The following SLC35D2 variants were observed in gnomAD, a reference collection of about 807,000 sequenced individuals.
SLC35D2 encodes nucleotide sugar transporter SLC35D2.
A neutral mutation model predicts 41.8 loss-of-function variants in SLC35D2; 43 were observed. That is an observed-to-expected ratio of 1.03 (90% CI 0.81 to 1.33). The LOEUF is 1.33. SLC35D2 is among the 40% of genes most tolerant of loss of function. The pLI is 0.00. For synonymous variants in SLC35D2, 150 were observed against 163.9 expected, an observed-to-expected ratio of 0.92 and a Z score of 0.65; for missense variants, 380 against 408.4, an observed-to-expected ratio of 0.93 and a Z score of 0.60.
intron 1 of SLC35D2, among the ~76,000 whole-genome samples, chr9:96,374,601 G>A (rs1250412219): frequency 2.0e-5 from 3 of 150,844 alleles, no homozygotes; most frequent in African/African-American, 4.9e-5. Context: ...TTGGGAGGAC[G>A]AGGCGGGTGG....
intron 3 of SLC35D2, among the ~76,000 whole-genome samples, chr9:96,363,304 CCT>C (rs2083007622): frequency 6.6e-6 from 1 of 152,246 alleles, no homozygotes; most frequent in South Asian, 2.1e-4. Context: ...ACTGGGCTCC[CCT>C]GATTACTGAT....
chr9:96,327,626 T>G (rs1298335191), intron 9 of SLC35D2, among the ~76,000 whole-genome samples: 1 of 145,344 alleles, frequency 6.9e-6, no homozygotes, highest in African/African-American at 2.5e-5. Flanking sequence ...TTCTTTTTCT[T>G]TTTTTTTTTT....
In SLC35D2 at chr9:96,383,690, G is replaced by T; in HGVS notation, c.-56C>A. The stretch of plus-strand genomic sequence containing the variant: ...CCAGCCCCGGCTGCGCACTGGTCCC[G>T]CCCGGCCGGGCCGGGGAAGAGGGCG... On this transcript the variant is annotated 5_prime_UTR_variant, in exon 1 of 12. Coordinates refer to ENST00000253270, the MANE Select transcript of SLC35D2 (RefSeq NM_007001.3). 8.3e-6 allele frequency: 8 copies of T among 964,856 alleles called. No individual in the cohort carries two copies. The highest frequency in any genetic ancestry group is 9.9e-6 in the Non-Finnish European group (8 of 809,692). 59.8% of individuals were successfully genotyped at this position (964,856 alleles called of 1,614,324 possible).
At chr9:96,355,503 A>AT (rs1554714860) in intron 4 of SLC35D2, among the ~76,000 whole-genome samples, 136 of 145,594 alleles carry the variant, frequency 9.3e-4, no homozygotes, top group Middle Eastern at 6.9e-3. Flanking sequence ...AAAAAAAAAA[A>AT]TTTTTTTTTT....
intron 1 of SLC35D2, among the ~76,000 whole-genome samples, chr9:96,374,532 C>CAA (rs35986252): frequency 4.9e-5 from 4 of 82,356 alleles, no homozygotes; most frequent in Non-Finnish European, 5.1e-5. Context: ...GACTCCGTCT[C>CAA]AAAAAAAAAA....
chr9:96,318,222 G>A, downstream of SLC35D2, among the ~76,000 whole-genome samples: 1 of 152,126 alleles, frequency 6.6e-6, no homozygotes, highest in East Asian at 1.9e-4. Context: ...CACTTTAGGA[G>A]GCCAGGGTGG....
intron 1 of SLC35D2, among the ~76,000 whole-genome samples, chr9:96,373,493 C>T (rs1476031473): frequency 6.6e-6 from 1 of 152,032 alleles, no homozygotes; most frequent in East Asian, 1.9e-4. Context: ...TCGAGACCAG[C>T]CTGGCCAACA....
At chr9:96,359,435 A>C (rs577916988) in intron 4 of SLC35D2, among the ~76,000 whole-genome samples, 4 of 152,264 alleles carry the variant, frequency 2.6e-5, no homozygotes, top group South Asian at 2.1e-4. Flanking sequence ...CACACCTGTA[A>C]TCCCAGCACT....
chr9:96,319,834 C>T (rs1828146676), downstream of SLC35D2, among the ~76,000 whole-genome samples: 1 of 152,232 alleles, frequency 6.6e-6, no homozygotes, highest in African/African-American at 2.4e-5. Flanking sequence ...CCTGTGTTGG[C>T]CTGCTCCAGA....
intron 1 of SLC35D2, among the ~76,000 whole-genome samples, chr9:96,379,024 G>A (rs530181415): frequency 3.3e-5 from 5 of 152,108 alleles, no homozygotes; most frequent in South Asian, 2.1e-4. Flanking sequence ...CAAGCCAGGC[G>A]CGGGGGCTCA....
chr9:96,370,493 C>T (rs1830632145), intron 1 of SLC35D2, among the ~76,000 whole-genome samples: 1 of 151,932 alleles, frequency 6.6e-6, no homozygotes, highest in Non-Finnish European at 1.5e-5. Context: ...TCCGTCTCTG[C>T]TAAAAATACA....
Position 96,320,721 on chromosome 9 carries a change from T to A in SLC35D2, c.*521A>T, listed in dbSNP as rs1199246149. ...TGATGAGGCATACATAGAAATGATT[T>A]TTTATTTACTTTGATGATTAGGGAA... On this transcript the variant is annotated 3_prime_UTR_variant, in exon 12 of 12. Transcript: ENST00000253270. 1 of 152,328 alleles carries A rather than the reference T, an allele frequency of 6.6e-6. No individual in the cohort carries two copies. Among genetic ancestry groups the A allele is most frequent in the Admixed American group, 6.5e-5 (1 of 15,292 alleles). The allele number at this position is 152,328 out of a possible 1,614,324, so 9.4% of individuals were successfully genotyped here. A position where few individuals can be genotyped will look rare whatever the true frequency, so the allele number is the denominator to read the frequency against.
intron 6 of SLC35D2, among the ~76,000 whole-genome samples, chr9:96,346,997 G>T (rs10820411): frequency 0.17 from 26,337 of 152,008 alleles, 2,572 homozygotes; most frequent in African/African-American, 0.26. Flanking sequence ...TTAGCTGGGC[G>T]TGGTGGCACA....
At chr9:96,327,055 C>T (rs999766448) in intron 9 of SLC35D2, among the ~76,000 whole-genome samples, 4 of 152,144 alleles carry the variant, frequency 2.6e-5, no homozygotes, top group Non-Finnish European at 4.4e-5. Flanking sequence ...TGCACAGCAG[C>T]GGGAGCACAG....
chr9:96,349,596 G>C (rs1003128093), intron 6 of SLC35D2, among the ~76,000 whole-genome samples: 7 of 151,940 alleles, frequency 4.6e-5, no homozygotes, highest in Non-Finnish European at 1.0e-4. Flanking sequence ...CACAATCTCA[G>C]CTCACTACAA....
chr9:96,375,206 G>C (rs1830890610), intron 1 of SLC35D2, among the ~76,000 whole-genome samples: 1 of 151,254 alleles, frequency 6.6e-6, no homozygotes, highest in Non-Finnish European at 1.5e-5. Flanking sequence ...TGGCCAGGCT[G>C]GTCTCAAACT....
At chr9:96,318,952 C>A (rs1466242228), downstream of SLC35D2, among the ~76,000 whole-genome samples, 1 of 152,156 alleles carries the variant, frequency 6.6e-6, no homozygotes, top group East Asian at 1.9e-4. Flanking sequence ...TAGAAAACAG[C>A]ATAGCAGGTC....
At chr9:96,368,231 G>A in intron 2 of SLC35D2, 41 bp downstream of exon 2, 1 of 1,506,968 alleles carries the variant, frequency 6.6e-7, no homozygotes, top group Non-Finnish European at 9.1e-7. Context: ...TATGAATACT[G>A]ATAACAAAAT....
intron 5 of SLC35D2, among the ~76,000 whole-genome samples, 195 bp downstream of exon 5, chr9:96,351,843 T>C (rs1282095792): frequency 6.6e-6 from 1 of 152,180 alleles, no homozygotes; most frequent in African/African-American, 2.4e-5. Context: ...ATTATTTGTC[T>C]ATGGTAAAAT....
Sources: gnomAD v4.1 joint callset for allele counts (sites outside exome capture counted in the v4.1 genomes callset) on GRCh38, gnomAD v4.1.1 for gene constraint, MANE v1.5 for transcripts, NCBI Gene and HGNC (gene_info 2026-07-23, HGNC 2026-07-21) for gene names.